The following FBN1 variants were observed in gnomAD, a reference collection of about 807,000 sequenced individuals.
The protein encoded by FBN1 is fibrillin 1, also known as fibrillin-1.
FBN1 carries 29 observed loss-of-function variants against 365.1 expected under a neutral mutation model. That is an observed-to-expected ratio of 0.08 (90% CI 0.06 to 0.11). The LOEUF is 0.11. Among genes scored for constraint, FBN1 ranks in the 10% least tolerant of loss-of-function variants. The pLI is 1.00. For synonymous variants in FBN1, 1,210 were observed against 1,270.5 expected (o/e 0.95, Z 1.01); for missense variants, 2,476 against 3,703.2 (o/e 0.67, Z 8.60).
At chr15:48,588,179 T>G (rs1343373004) in intron 6 of FBN1, among the ~76,000 whole-genome samples, 2 of 152,220 alleles carry the variant, frequency 1.3e-5, no homozygotes, top group Non-Finnish European at 2.9e-5. Context: ...GCATTGGATT[T>G]CAACGACTTA....
intron 36 of FBN1, among the ~76,000 whole-genome samples, chr15:48,469,046 C>T (rs1183944638): frequency 9.5e-6 from 1 of 105,654 alleles, no homozygotes; most frequent in Non-Finnish European, 1.9e-5. Flanking sequence ...CCAGCCTGGG[C>T]GACAGAGCGA....
rs115779031 is a variant in FBN1, at chr15:48,522,101, T to C, written c.989-1284A>G. On this transcript the variant is annotated intron_variant, in intron 9 of 65. Transcript: ENST00000316623. ...GCATGCGAGGGTTCTAGGTTGTGTG[T>C]TCCCAATGAGAATCTAATGCCTGAT... Among the ~76,000 whole-genome samples, 1,049 of 152,324 alleles carry C rather than the reference T, an allele frequency of 6.9e-3. 18 individuals carry two copies. The highest frequency in any genetic ancestry group is 0.024 in the African/African-American group (1,001 of 41,556).
chr15:48,598,827 A>G (rs1333350111), intron 5 of FBN1, among the ~76,000 whole-genome samples: 2 of 152,142 alleles, frequency 1.3e-5, no homozygotes, highest in Admixed American at 6.5e-5. Flanking sequence ...CTGTGTCACC[A>G]CCCAAATCTC....
intron 44 of FBN1, among the ~76,000 whole-genome samples, chr15:48,454,121 C>T (rs1276155807): frequency 6.6e-6 from 1 of 152,174 alleles, no homozygotes; most frequent in Non-Finnish European, 1.5e-5. Context: ...ATCTTAAAGT[C>T]CACATGAATC....
rs1473085461 is a variant in FBN1, at chr15:48,596,446, TC to T, written c.443-69del. On this transcript the variant is annotated intron_variant, in intron 5 of 65. Transcript: ENST00000316623. Reference sequence around the variant, plus strand: ...AATGCTAATGAAGTAACACTTGTGGTCCTCTGGAAGGACAACAATAAAATGT... The same window carrying T: ...AATGCTAATGAAGTAACACTTGTGGTCTCTGGAAGGACAACAATAAAATGT... 9.7e-6 allele frequency: 14 copies of T among 1,440,032 alleles called. No homozygotes were observed. The East Asian group carries it at 2.7e-4, about 28-fold the overall frequency. 89.2% of individuals were successfully genotyped at this position (1,440,032 alleles called of 1,614,324 possible). A position where few individuals can be genotyped will look rare whatever the true frequency, so the allele number is the denominator to read the frequency against.
chr15:48,585,005 A>AAAAAAAAGG (rs2044424450), intron 6 of FBN1, among the ~76,000 whole-genome samples: 1 of 152,252 alleles, frequency 6.6e-6, no homozygotes, highest in South Asian at 2.1e-4. Flanking sequence ...CACGAGTCTT[A>AAAAAAAAGG]GTTTAAAGAA....
intron 6 of FBN1, among the ~76,000 whole-genome samples, chr15:48,567,187 T>G (rs770098702): frequency 9.2e-5 from 14 of 152,230 alleles, no homozygotes; most frequent in Non-Finnish European, 1.8e-4. Context: ...AACACAGAAA[T>G]TAAGAGTAAA....
At chr15:48,642,785 G>A (rs893203195) in intron 2 of FBN1, 1 of 151,930 alleles carries the variant, frequency 6.6e-6, no homozygotes, top group Non-Finnish European at 1.5e-5. Flanking sequence ...CCTGTTTTTA[G>A]GAAGGCTTTA....
Position 48,472,552 on chromosome 15 carries a change from T to C in FBN1, c.4335A>G (p.Glu1445=). Residue 1445 remains glutamate (E), a splice_region_variant and synonymous_variant, in exon 35 of 66, where the codon GAA becomes GAG. Coordinates refer to ENST00000316623, the MANE Select transcript of FBN1 (RefSeq NM_000138.5). ...CCCAGTGGCTTCCCCATCAGTTACC[T>C]TCACAGGCTTTCCCGTCAGCACTGG... is the stretch of plus-strand genomic sequence containing the variant. ...FVPSADGKAC[E]DIDECSLPNI... The C allele has an allele frequency of 6.2e-7, 1 of 1,613,320 alleles. No homozygotes were observed. Among genetic ancestry groups the C allele is most frequent in the African/African-American group, 1.3e-5 (1 of 74,804 alleles).
intron 63 of FBN1, among the ~76,000 whole-genome samples, chr15:48,415,972 A>G (rs1344087663): frequency 6.6e-6 from 1 of 152,168 alleles, no homozygotes; most frequent in Non-Finnish European, 1.5e-5. Context: ...GTGAGTAAAC[A>G]TGGAAGATGA....
At chr15:48,581,765 T>C (rs891465928) in intron 6 of FBN1, among the ~76,000 whole-genome samples, 1 of 151,776 alleles carries the variant, frequency 6.6e-6, no homozygotes, top group East Asian at 1.9e-4. Context: ...TAAAAGATAG[T>C]TAATAATAAC....
intron 49 of FBN1, among the ~76,000 whole-genome samples, chr15:48,443,667 T>G (rs1197615213): frequency 6.6e-6 from 1 of 152,164 alleles, no homozygotes; most frequent in Non-Finnish European, 1.5e-5. Flanking sequence ...CTGTTTAAAG[T>G]CAGGGGTGTG....
chr15:48,616,524 A>G (rs1194103478), intron 2 of FBN1, among the ~76,000 whole-genome samples: 2 of 152,250 alleles, frequency 1.3e-5, no homozygotes, highest in African/African-American at 4.8e-5. Context: ...TGAAGCTGGA[A>G]AGAACCAAAA....
chr15:48,563,676 G>A (rs371973041), intron 6 of FBN1, among the ~76,000 whole-genome samples: 3 of 152,024 alleles, frequency 2.0e-5, no homozygotes, highest in Non-Finnish European at 2.9e-5. Flanking sequence ...CTCTTTCCTC[G>A]TGGGTATCAC....
chr15:48,437,996 C>T, intron 50 of FBN1, 79 bp from the exon 51 acceptor site: 7 of 1,440,628 alleles, frequency 4.9e-6, no homozygotes, highest in South Asian at 1.1e-5. Flanking sequence ...AAGAACAACC[C>T]ACTATGTTAT....
intron 63 of FBN1, among the ~76,000 whole-genome samples, chr15:48,416,291 T>C (rs2042903112): frequency 6.6e-6 from 1 of 152,212 alleles, no homozygotes; most frequent in South Asian, 2.1e-4. Context: ...CAGGATATGC[T>C]GATCTGGCAA....
At chr15:48,513,787 T>C (rs994289018) in intron 12 of FBN1, 119 bp from the exon 13 acceptor site, 3 of 1,167,614 alleles carry the variant, frequency 2.6e-6, no homozygotes, top group Admixed American at 2.0e-5. Context: ...AATAACATAA[T>C]AAAAGGATCT....
chr15:48,495,368 A>G lies in FBN1; in HGVS notation c.2539+101T>C. 3 of 1,591,850 alleles carry G rather than the reference A, an allele frequency of 1.9e-6. No homozygotes were observed. In the South Asian group the frequency reaches 3.3e-5, roughly 18 times the overall value. ...TGAAACAAGGAATAATGAAGTTTTT[A>G]ATATTGTTCATCCATACTTAAATTC... On this transcript the variant is annotated intron_variant, in intron 21 of 65. Coordinates refer to ENST00000316623, the MANE Select transcript of FBN1 (RefSeq NM_000138.5).
At chr15:48,443,557 A>G (rs1284918630) in intron 49 of FBN1, among the ~76,000 whole-genome samples, 1 of 152,240 alleles carries the variant, frequency 6.6e-6, no homozygotes, top group African/African-American at 2.4e-5. Context: ...TCCATTTTAA[A>G]TATCACCACT....
Sources: gnomAD v4.1 joint callset for allele counts (sites outside exome capture counted in the v4.1 genomes callset) on GRCh38, gnomAD v4.1.1 for gene constraint, MANE v1.5 for transcripts, NCBI Gene and HGNC (gene_info 2026-07-23, HGNC 2026-07-21) for gene names.